The following SYNRG variants were observed in gnomAD, a reference collection of about 807,000 sequenced individuals.
The protein encoded by SYNRG is AP1 gamma subunit binding protein 1.
SYNRG carries 37 observed loss-of-function variants against 130.9 expected under a neutral mutation model. That is an observed-to-expected ratio of 0.28 (90% CI 0.22 to 0.37). The LOEUF is 0.37. Ranked by LOEUF, SYNRG falls within the 10% of genes least tolerant of loss-of-function variation. SYNRG has a pLI of 1.00. For missense variants in SYNRG, 1,338 were observed against 1,588.9 expected, an observed-to-expected ratio of 0.84 and a Z score of 2.68; for synonymous variants, 539 against 568.1, an observed-to-expected ratio of 0.95 and a Z score of 0.73.
chr17:37,577,695 CTTTT>C (rs34008016), intron 6 of SYNRG, 82 bp from the exon 7 acceptor site: 3,217 of 576,874 alleles, frequency 5.6e-3, no homozygotes, highest in African/African-American at 0.013. Flanking sequence ...CCCCCATATT[CTTTT>C]TTTTTTTTTT....
chr17:37,597,757 T>C (rs2062905884), intron 2 of SYNRG, among the ~76,000 whole-genome samples: 1 of 152,254 alleles, frequency 6.6e-6, no homozygotes, highest in Non-Finnish European at 1.5e-5. Context: ...GCTTATTATA[T>C]GCTAGGCATA....
rs1274741083 is a variant in SYNRG, at chr17:37,515,549, CTCTGGTTCAAGCAAT to C, written c.*3376_*3390del. 7 of 152,338 alleles carry C rather than the reference CTCTGGTTCAAGCAAT, an allele frequency of 4.6e-5. No homozygotes were observed. Among genetic ancestry groups the C allele is most frequent in the Admixed American group, 4.6e-4 (7 of 15,290 alleles). The allele number at this position is 152,338 out of a possible 1,614,324, so 9.4% of individuals were successfully genotyped here. On this transcript the variant is annotated 3_prime_UTR_variant, in exon 22 of 22. Coordinates refer to ENST00000612223, the MANE Select transcript of SYNRG (RefSeq NM_007247.6). ...TCTCGGCTCACTGCAACCTCCGCCT[CTCTGGTTCAAGCAAT>C]TCTCCTGCCTCAGCCTCCCGAGTAG...
At chr17:37,590,100 G>A (rs1339029962) in intron 3 of SYNRG, among the ~76,000 whole-genome samples, 1 of 151,756 alleles carries the variant, frequency 6.6e-6, no homozygotes, top group Non-Finnish European at 1.5e-5. Context: ...GAGCCCGGGA[G>A]GCGGCAGCTG....
chr17:37,539,543 G>A (rs1358201935), intron 16 of SYNRG, among the ~76,000 whole-genome samples: 1 of 152,054 alleles, frequency 6.6e-6, no homozygotes, highest in Non-Finnish European at 1.5e-5. Flanking sequence ...GCTAATTTTT[G>A]TATTTTTGGT....
intron 6 of SYNRG, 77 bp from the exon 7 acceptor site, chr17:37,577,690 ATAT>A: frequency 1.1e-6 from 1 of 944,924 alleles, no homozygotes; most frequent in Non-Finnish European, 1.5e-6. Context: ...CTCCACCCCC[ATAT>A]TCTTTTTTTT....
At position 37,517,031 on chromosome 17, in the gene SYNRG, A is replaced by T. The variant is rs2054479273; in HGVS notation, c.*1909T>A. ...GGTCCGGAGTTCAAGCCTGGCCAAC[A>T]TGGAGAAACCTTGCCTCTACTAAAA... On this transcript the variant is annotated 3_prime_UTR_variant, in exon 22 of 22. Transcript: ENST00000612223. 6.6e-6 allele frequency: 1 copy of T among 152,184 alleles called. No individual in the cohort carries two copies. The highest frequency in any genetic ancestry group is 2.4e-5 in the African/African-American group (1 of 41,410). 9.4% of individuals were successfully genotyped at this position (152,184 alleles called of 1,614,324 possible). A position where few individuals can be genotyped will look rare whatever the true frequency, so the allele number is the denominator to read the frequency against.
chr17:37,533,313 A>C (rs1273955669), intron 19 of SYNRG, among the ~76,000 whole-genome samples: 1 of 151,944 alleles, frequency 6.6e-6, no homozygotes, highest in Non-Finnish European at 1.5e-5. Context: ...AGGCGTGAGA[A>C]TCGCTTGAAC....
In SYNRG at chr17:37,521,539, C is replaced by T. The variant is rs12450416; in HGVS notation, c.3667-891G>A. Among the ~76,000 whole-genome samples, 86 of 152,066 alleles carry T rather than the reference C, an allele frequency of 5.7e-4. 1 individual carries two copies. The East Asian group carries it at 0.014, about 24-fold the overall frequency. On this transcript the variant is annotated intron_variant, in intron 19 of 21. Coordinates refer to ENST00000612223, the MANE Select transcript of SYNRG (RefSeq NM_007247.6). ...GGAAAGAGGAGATGAAGCCGCAGCA[C>T]GAGGACTCCAAGGAAGATAAGGAGC...
Position 37,542,489 on chromosome 17 carries a change from G to A in SYNRG, c.2685C>T (p.Asp895=), listed in dbSNP as rs373227003. Residue 895 remains aspartate (D), a synonymous_variant, in exon 15 of 22, where the codon GAC becomes GAT. Coordinates refer to ENST00000612223, the MANE Select transcript of SYNRG (RefSeq NM_007247.6). ...NFAVSTLTSY[D]WSDRDDATQG... ...GAGTTGCATCATCCCTGTCTGACCA[G>A]TCATAGCTTGTAAGTGTGCTCACTG... The A allele has an allele frequency of 3.1e-6, 5 of 1,613,542 alleles. No individual in the cohort carries two copies. The highest frequency in any genetic ancestry group is 4.2e-6 in the Non-Finnish European group (5 of 1,180,032).
intron 1 of SYNRG, among the ~76,000 whole-genome samples, chr17:37,601,589 C>T (rs1192865182): frequency 2.0e-5 from 3 of 152,168 alleles, no homozygotes; most frequent in Non-Finnish European, 4.4e-5. Flanking sequence ...AAACTCTGTA[C>T]CCATTAAACA....
rs1190997722 is a variant in SYNRG, at chr17:37,553,679, G to C, written c.2044C>G (p.Leu682Val). Residue 682 changes from leucine to valine, a missense_variant, in exon 14 of 22, where the codon CTA becomes GTA. Leu to Val is a conservative substitution (Grantham distance 32). Around this residue, in one of 3 missense-constraint regions of SYNRG, gnomAD observed 1,146 missense variants for 1,342.3 expected, o/e 0.85. Transcript: ENST00000612223. Reference protein sequence around the residue: ...EFSLFGEYSGLAPVGEQDDFA... With the variant: ...EFSLFGEYSGVAPVGEQDDFA... ...TCATCCTGCTCCCCAACAGGTGCTAGACCAGAATATTCCCCAAAAAGGCTG... is the reference window on the plus strand; with the variant it reads ...TCATCCTGCTCCCCAACAGGTGCTACACCAGAATATTCCCCAAAAAGGCTG... The C allele has an allele frequency of 1.2e-6, 2 of 1,613,992 alleles. No homozygotes were observed. Among genetic ancestry groups the C allele is most frequent in the Non-Finnish European group, 8.5e-7 (1 of 1,180,006 alleles).
At chr17:37,601,981 G>T (rs1275818794) in intron 1 of SYNRG, among the ~76,000 whole-genome samples, 1 of 151,718 alleles carries the variant, frequency 6.6e-6, no homozygotes, top group East Asian at 1.9e-4. Flanking sequence ...TTTGAATAAA[G>T]GTTAAGCCTG....
intron 3 of SYNRG, among the ~76,000 whole-genome samples, chr17:37,591,416 A>C (rs1269290473): frequency 6.6e-6 from 1 of 152,260 alleles, no homozygotes; most frequent in Non-Finnish European, 1.5e-5. Flanking sequence ...CAGAGGTTTA[A>C]CACAATGCCT....
intron 19 of SYNRG, among the ~76,000 whole-genome samples, chr17:37,527,160 C>G (rs2056030748): frequency 6.6e-6 from 1 of 152,204 alleles, no homozygotes; most frequent in Non-Finnish European, 1.5e-5. Flanking sequence ...ACAGTGGAAT[C>G]AGAGAGCCTG....
intron 10 of SYNRG, among the ~76,000 whole-genome samples, chr17:37,569,605 C>T (rs537085765): frequency 6.3e-4 from 79 of 124,878 alleles, no homozygotes; most frequent in Middle Eastern, 6.0e-3. Flanking sequence ...CAGTGAGCCA[C>T]GACCGTGCCA....
At chr17:37,565,702 T>A (rs1280633597) in intron 11 of SYNRG, among the ~76,000 whole-genome samples, 1 of 145,052 alleles carries the variant, frequency 6.9e-6, no homozygotes, top group Admixed American at 6.8e-5. Context: ...CGCCGCCCCA[T>A]CTGGGATGTG....
chr17:37,536,154 A>T lies in SYNRG; in HGVS notation c.3518-27T>A, dbSNP rs112417242. ...TGACGGGATGAGAGAGCAGAGAGAGAGTGTTGGCAGTGGAGACACAGAGGA... is the reference window on the plus strand; with the variant it reads ...TGACGGGATGAGAGAGCAGAGAGAGTGTGTTGGCAGTGGAGACACAGAGGA... On this transcript the variant is annotated intron_variant, in intron 18 of 21. Transcript: ENST00000612223. The T allele has an allele frequency of 2.5e-6, 4 of 1,586,854 alleles. No homozygotes were observed. In the African/African-American group the frequency reaches 5.4e-5, roughly 21 times the overall value.
chr17:37,585,023 G>C (rs2061590979), intron 5 of SYNRG, among the ~76,000 whole-genome samples: 1 of 152,166 alleles, frequency 6.6e-6, no homozygotes, highest in Non-Finnish European at 1.5e-5. Flanking sequence ...GGCTCTAAGA[G>C]AAATATGAAA....
In SYNRG at chr17:37,541,237, A is replaced by G. The variant is rs532101240; in HGVS notation, c.3203-694T>C. On this transcript the variant is annotated intron_variant, in intron 15 of 21. Coordinates refer to ENST00000612223, the MANE Select transcript of SYNRG (RefSeq NM_007247.6). ...GAGTTCCTTCACAGTCTCTCAATCC[A>G]GTTGAAATCAACGACCCCTCCTGTC... 5 of 985,452 alleles carry G rather than the reference A, an allele frequency of 5.1e-6. No individual in the cohort carries two copies. In the African/African-American group the frequency reaches 8.7e-5, roughly 17 times the overall value. The allele number at this position is 985,452 out of a possible 1,614,324, so 61.0% of individuals were successfully genotyped here. A position where few individuals can be genotyped will look rare whatever the true frequency, so the allele number is the denominator to read the frequency against.
Sources: allele counts gnomAD v4.1 joint callset (sites outside exome capture counted in the v4.1 genomes callset), GRCh38; gene constraint gnomAD v4.1.1; regional missense constraint gnomAD v4.1.1; transcripts MANE v1.5; gene names NCBI Gene and HGNC (gene_info 2026-07-23, HGNC 2026-07-21).